RBMS3: variants seen among roughly 807,000 people sequenced by gnomAD.
RBMS3 encodes the protein RNA binding motif single stranded interacting protein 3.
Under a neutral mutation model 66.8 loss-of-function variants are expected in RBMS3, and 27 were observed. The ratio of observed to expected loss-of-function variants is 0.40; its 90% CI spans 0.30 to 0.56. The LOEUF (loss-of-function observed/expected upper bound fraction) is 0.56, where lower values mean the gene tolerates loss of function less well. Ranked by LOEUF, RBMS3 falls within the 20% of genes least tolerant of loss-of-function variation. The probability of loss-of-function intolerance (pLI) is 0.40; values close to 1 mark genes in which losing one functional copy is unlikely to be tolerated. For synonymous variants in RBMS3, 188 were observed against 183.0 expected (o/e 1.03, Z -0.22); for missense variants, 513 against 549.5 (o/e 0.93, Z 0.66).
chr3:29,636,599 T>A (rs1413517893), intron 4 of RBMS3, among the ~76,000 whole-genome samples: 1 of 151,944 alleles, frequency 6.6e-6, no homozygotes, highest in Admixed American at 6.6e-5. Context: ...GAAATGAAAT[T>A]TAAGCCATTT....
At chr3:29,707,468 C>T (rs1221941459) in intron 4 of RBMS3, among the ~76,000 whole-genome samples, 1 of 152,154 alleles carries the variant, frequency 6.6e-6, no homozygotes, top group Non-Finnish European at 1.5e-5. Context: ...AATACGGTTC[C>T]ATGTTAACAT....
chr3:29,752,455 G>A (rs977649548), intron 5 of RBMS3, among the ~76,000 whole-genome samples: 9 of 152,062 alleles, frequency 5.9e-5, no homozygotes, highest in African/African-American at 9.7e-5. Flanking sequence ...AGCCCTCGCC[G>A]GGGAACCACC....
chr3:29,986,344 C>T (rs1698388617), intron 12 of RBMS3, among the ~76,000 whole-genome samples: 1 of 152,048 alleles, frequency 6.6e-6, no homozygotes, highest in African/African-American at 2.4e-5. Flanking sequence ...ATTAATGATA[C>T]CAAAATCAAA....
chr3:29,904,940 G>A (rs946205250), intron 10 of RBMS3, among the ~76,000 whole-genome samples: 1 of 151,882 alleles, frequency 6.6e-6, no homozygotes, highest in African/African-American at 2.4e-5. Context: ...TAAGTTTATA[G>A]TGTCATAGAT....
chr3:29,770,530 G>C, intron 6 of RBMS3, among the ~76,000 whole-genome samples: 1 of 151,912 alleles, frequency 6.6e-6, no homozygotes, highest in East Asian at 1.9e-4. Context: ...TCATGGGATA[G>C]AGAAAAGGGA....
intron 1 of RBMS3, among the ~76,000 whole-genome samples, chr3:29,425,515 A>G (rs1289718237): frequency 2.6e-5 from 4 of 151,506 alleles, no homozygotes; most frequent in Non-Finnish European, 4.4e-5. Context: ...GACTGCACCT[A>G]TAATCCCAGC....
chr3:29,797,727 T>C (rs188782216), intron 6 of RBMS3: 8 of 152,302 alleles, frequency 5.3e-5, no homozygotes, highest in African/African-American at 1.9e-4. Flanking sequence ...TTATTCCTTC[T>C]AGGCATAATA....
intron 1 of RBMS3, among the ~76,000 whole-genome samples, chr3:29,287,585 A>T (rs1427621659): frequency 6.6e-6 from 1 of 152,128 alleles, no homozygotes; most frequent in Non-Finnish European, 1.5e-5. Flanking sequence ...TTACAAAGAT[A>T]CACAAGGACA....
At chr3:29,468,344 T>C (rs916790241) in intron 2 of RBMS3, among the ~76,000 whole-genome samples, 1 of 152,170 alleles carries the variant, frequency 6.6e-6, no homozygotes, top group Non-Finnish European at 1.5e-5. Context: ...GACTTAAGCT[T>C]GTTTAGATAA....
chr3:29,366,367 T>C (rs547565817), intron 1 of RBMS3, among the ~76,000 whole-genome samples: 1 of 152,246 alleles, frequency 6.6e-6, no homozygotes, highest in South Asian at 2.1e-4. Flanking sequence ...TGCCTCCAAA[T>C]ATGTGTTTCT....
chr3:29,972,261 C>CT (rs1351793757), intron 12 of RBMS3, among the ~76,000 whole-genome samples: 1 of 151,686 alleles, frequency 6.6e-6, no homozygotes, highest in East Asian at 1.9e-4. Context: ...GAGACTTTTT[C>CT]ATTTTGTTTT....
intron 4 of RBMS3, among the ~76,000 whole-genome samples, chr3:29,642,092 G>A (rs2049738452): frequency 6.6e-6 from 1 of 152,036 alleles, no homozygotes. Context: ...TGCACGCTGT[G>A]GCAGGCTCAC....
chr3:29,664,629 G>A (rs1161094266), intron 4 of RBMS3, among the ~76,000 whole-genome samples: 1 of 151,534 alleles, frequency 6.6e-6, no homozygotes, highest in Non-Finnish European at 1.5e-5. Flanking sequence ...AAATAGAACT[G>A]AGGCAAACAC....
chr3:29,672,653 C>A (rs2051055063), intron 4 of RBMS3, among the ~76,000 whole-genome samples: 1 of 152,064 alleles, frequency 6.6e-6, no homozygotes, highest in South Asian at 2.1e-4. Flanking sequence ...TCTGATAAAA[C>A]AGATTTTAAA....
chr3:29,714,417 G>A (rs985742770), intron 4 of RBMS3, among the ~76,000 whole-genome samples: 7 of 152,144 alleles, frequency 4.6e-5, no homozygotes, highest in African/African-American at 1.7e-4. Flanking sequence ...AGTTGGGGAT[G>A]GGATGGGACA....
At chr3:29,934,129 T>C (rs963189665) in intron 10 of RBMS3, 4 of 152,136 alleles carry the variant, frequency 2.6e-5, no homozygotes, top group African/African-American at 9.7e-5. Flanking sequence ...ATGATCCTTT[T>C]TGTGGCTAGA....
At chr3:29,608,835 G>A (rs2048397049) in intron 4 of RBMS3, among the ~76,000 whole-genome samples, 1 of 152,044 alleles carries the variant, frequency 6.6e-6, no homozygotes, top group Non-Finnish European at 1.5e-5. Context: ...ATATTTTTGT[G>A]TGTAAATACG....
At chr3:29,507,546 T>C (rs1031701526) in intron 3 of RBMS3, among the ~76,000 whole-genome samples, 9 of 152,050 alleles carry the variant, frequency 5.9e-5, no homozygotes, top group African/African-American at 1.4e-4. Context: ...TAGGTCAAAA[T>C]GTGAAGTATG....
chr3:29,896,900 T>C (rs2060135612), intron 8 of RBMS3, among the ~76,000 whole-genome samples: 1 of 151,626 alleles, frequency 6.6e-6, no homozygotes, highest in Non-Finnish European at 1.5e-5. Context: ...TGCTTCTCTT[T>C]TCATGGAGAA....
Sources: allele counts gnomAD v4.1 joint callset (sites outside exome capture counted in the v4.1 genomes callset), GRCh38; gene constraint gnomAD v4.1.1; transcripts MANE v1.5; gene names NCBI Gene and HGNC (gene_info 2026-07-23, HGNC 2026-07-21).